ATP6V0A4: variants seen among roughly 807,000 people sequenced by gnomAD.
The protein encoded by ATP6V0A4 is ATPase H+ transporting V0 subunit a4.
ATP6V0A4 carries 86 observed loss-of-function variants against 107.3 expected under a neutral mutation model. The observed-to-expected ratio is 0.80, with a 90% CI of 0.67 to 0.96. The LOEUF is 0.96. Ranked by LOEUF, ATP6V0A4 falls within the 40% of genes least tolerant of loss-of-function variation. The pLI, the probability that ATP6V0A4 is intolerant of heterozygous loss-of-function variation, is 0.00. For missense variants in ATP6V0A4, 908 were observed against 1,045.6 expected (o/e 0.87, Z 1.81); for synonymous variants, 353 against 381.4 (o/e 0.93, Z 0.87).
chr7:138,795,103 T>C (rs1436068469), intron 1 of ATP6V0A4, among the ~76,000 whole-genome samples: 3 of 152,254 alleles, frequency 2.0e-5, no homozygotes, highest in South Asian at 2.1e-4. Flanking sequence ...GATTTCACCA[T>C]GTTAGCCAGG....
At chr7:138,729,891 CT>C (rs934328245) in intron 17 of ATP6V0A4, among the ~76,000 whole-genome samples, 3 of 151,326 alleles carry the variant, frequency 2.0e-5, no homozygotes, top group Non-Finnish European at 3.0e-5. Context: ...CCTCACTCAA[CT>C]TTTTTTTTTG....
intron 7 of ATP6V0A4, among the ~76,000 whole-genome samples, chr7:138,761,637 A>C (rs1299943973): frequency 6.9e-6 from 1 of 144,078 alleles, no homozygotes; most frequent in African/African-American, 2.7e-5. Context: ...TTTCAAAAAA[A>C]AAAAAAATTC....
intron 8 of ATP6V0A4, among the ~76,000 whole-genome samples, chr7:138,757,624 G>A (rs2117303050): frequency 6.6e-6 from 1 of 152,306 alleles, no homozygotes; most frequent in South Asian, 2.1e-4. Flanking sequence ...AAAAGTCACT[G>A]AAAGGCCATT....
At chr7:138,782,488 A>C (rs1211795068) in intron 2 of ATP6V0A4, among the ~76,000 whole-genome samples, 1 of 152,226 alleles carries the variant, frequency 6.6e-6, no homozygotes, top group Non-Finnish European at 1.5e-5. Context: ...ATGGGGCAGC[A>C]CACTTCAACC....
chr7:138,775,142 G>T (rs912199661), intron 2 of ATP6V0A4, among the ~76,000 whole-genome samples: 2 of 145,466 alleles, frequency 1.4e-5, no homozygotes, highest in Non-Finnish European at 3.0e-5. Flanking sequence ...AGTGAGGGGG[G>T]TGCTTTTTTT....
intron 13 of ATP6V0A4, among the ~76,000 whole-genome samples, chr7:138,746,774 G>A (rs1805973678): frequency 6.6e-6 from 1 of 152,134 alleles, no homozygotes. Context: ...AAAGTGGTGG[G>A]GTTACAGGTG....
At chr7:138,754,079 G>T (rs546078835) in intron 10 of ATP6V0A4, among the ~76,000 whole-genome samples, 37 of 152,234 alleles carry the variant, frequency 2.4e-4, no homozygotes, top group Admixed American at 1.4e-3. Context: ...ATGGAGAATT[G>T]GGGGGAAAGG....
Position 138,791,888 on chromosome 7 carries a change from G to A in ATP6V0A4, c.-120-5628C>T, listed in dbSNP as rs146123827. Among the ~76,000 whole-genome samples, 114 of 152,032 alleles carry A rather than the reference G, an allele frequency of 7.5e-4. 1 individual carries two copies. The South Asian group carries it at 8.1e-3, about 11-fold the overall frequency. On this transcript the variant is annotated intron_variant, in intron 1 of 21. Transcript: ENST00000310018. ...AGAAATAAATTAAGAACAATAAACCGGTAAACATGTAAATAAATTTAATAA... is the reference window on the plus strand; with the variant it reads ...AGAAATAAATTAAGAACAATAAACCAGTAAACATGTAAATAAATTTAATAA...
At position 138,762,886 on chromosome 7, in the gene ATP6V0A4, C is replaced by A; in HGVS notation, c.417+14G>T. 1 of 1,613,832 alleles carries A rather than the reference C, an allele frequency of 6.2e-7. No individual in the cohort carries two copies. The highest frequency in any genetic ancestry group is 8.5e-7 in the Non-Finnish European group (1 of 1,179,780). ...AGGAACGGGCCCTTTAGTAACTCATCCCCACGTGACCACCTCAAAGAAGTC... is the reference window on the plus strand; with the variant it reads ...AGGAACGGGCCCTTTAGTAACTCATACCCACGTGACCACCTCAAAGAAGTC... On this transcript the variant is annotated intron_variant, in intron 6 of 21. Transcript: ENST00000310018.
chr7:138,774,280 T>C (rs905481147), intron 2 of ATP6V0A4, among the ~76,000 whole-genome samples: 7 of 152,150 alleles, frequency 4.6e-5, no homozygotes, highest in African/African-American at 9.7e-5. Flanking sequence ...AAAATAACTT[T>C]GAAAAATAAT....
chr7:138,734,420 G>T, intron 15 of ATP6V0A4, 166 bp from the exon 16 acceptor site: 1 of 589,508 alleles, frequency 1.7e-6, no homozygotes, highest in Non-Finnish European at 2.1e-6. Context: ...AAGGAAAAAA[G>T]GATGAAACCC....
intron 17 of ATP6V0A4, among the ~76,000 whole-genome samples, chr7:138,732,065 G>T (rs1361368546): frequency 2.0e-5 from 3 of 152,150 alleles, no homozygotes; most frequent in African/African-American, 7.2e-5. Flanking sequence ...GCTCCCGCCA[G>T]CTTTGGAAGC....
chr7:138,719,089 G>A lies in ATP6V0A4; in HGVS notation c.2139+2808C>T, dbSNP rs1804300006. Among the ~76,000 whole-genome samples, 3 of 152,156 alleles carry A rather than the reference G, an allele frequency of 2.0e-5. 1 individual carries two copies. The South Asian group carries it at 6.2e-4, about 32-fold the overall frequency. On this transcript the variant is annotated intron_variant, in intron 19 of 21. Transcript: ENST00000310018. ...CGGTCCCAGCTACTCGGGAGGCTGA[G>A]GCAGGAAGATCGCTTGGGCTCAGGA...
At chr7:138,725,560 G>A (rs774307811) in intron 18 of ATP6V0A4, among the ~76,000 whole-genome samples, 2 of 151,840 alleles carry the variant, frequency 1.3e-5, no homozygotes, top group Non-Finnish European at 2.9e-5. Context: ...CGCCCAGGCT[G>A]GAGTGCAATG....
chr7:138,765,736 G>A (rs1357113951), intron 5 of ATP6V0A4, among the ~76,000 whole-genome samples: 1 of 116,422 alleles, frequency 8.6e-6, no homozygotes, highest in Non-Finnish European at 1.8e-5. Context: ...TATGCTGGTG[G>A]TTTTTGTTTT....
chr7:138,722,710 A>ACTCCAGC (rs1266321181), intron 18 of ATP6V0A4, among the ~76,000 whole-genome samples: 2 of 126,486 alleles, frequency 1.6e-5, no homozygotes, highest in Admixed American at 2.1e-4. Flanking sequence ...ACGCCACTGC[A>ACTCCAGC]CTCCAGCCTG....
intron 7 of ATP6V0A4, 119 bp downstream of exon 7, chr7:138,762,221 C>T: frequency 1.5e-6 from 2 of 1,315,240 alleles, no homozygotes; most frequent in Non-Finnish European, 2.2e-6. Context: ...TTGGCAGAGG[C>T]TTTGCATCCA....
intron 14 of ATP6V0A4, 69 bp downstream of exon 14, chr7:138,745,054 A>T: frequency 7.0e-7 from 1 of 1,426,794 alleles, no homozygotes. Context: ...AGACTCCCCC[A>T]ACCATGAAAA....
At position 138,715,791 on chromosome 7, in the gene ATP6V0A4, G is replaced by A. The variant is rs560997882; in HGVS notation, c.2230C>T (p.Leu744Phe). ...GCATGAGCCAGGCTGAGGGCCCAGA[G>A]CCGCAGGTAGGAGGCTGTGTTTGAA... ...CISNTASYLRLWALSLAHAQL... is the reference protein window; with the variant it reads ...CISNTASYLRFWALSLAHAQL... Residue 744 changes from leucine (L) to phenylalanine (F), a missense_variant, in exon 20 of 22, where the codon CTC becomes TTC. By Grantham distance (22) the Leu-to-Phe change is conservative (BLOSUM62 0). Transcript: ENST00000310018. 6.2e-7 allele frequency: 1 copy of A among 1,612,250 alleles called. No individual in the cohort carries two copies. The highest frequency in any genetic ancestry group is 1.3e-5 in the African/African-American group (1 of 75,062).
Sources: allele counts gnomAD v4.1 joint callset (sites outside exome capture counted in the v4.1 genomes callset), GRCh38; gene constraint gnomAD v4.1.1; transcripts MANE v1.5; gene names NCBI Gene and HGNC (gene_info 2026-07-23, HGNC 2026-07-21).